PCDHA2: variants seen among roughly 807,000 people sequenced by gnomAD.
PCDHA2 encodes the protein protocadherin alpha 2.
In PCDHA2, 58 loss-of-function variants were observed where a neutral mutation model predicts 66.0. The ratio of observed to expected loss-of-function variants is 0.88; its 90% CI spans 0.71 to 1.09. PCDHA2 has a LOEUF of 1.09. Among genes scored for constraint, PCDHA2 ranks in the 50% least tolerant of loss-of-function variants. The pLI is 0.00. For synonymous variants in PCDHA2, 634 were observed against 554.0 expected (o/e 1.14, Z -2.03); for missense variants, 1,267 against 1,242.3 (o/e 1.02, Z -0.30).
At chr5:140,823,131 G>T (rs142929389) in intron 1 of PCDHA2, 3 of 1,614,008 alleles carry the variant, frequency 1.9e-6, no homozygotes, top group South Asian at 2.2e-5. Flanking sequence ...ACAACGCTCC[G>T]GCGTTCGCGC....
chr5:140,809,795 A>C (rs1554125360), intron 1 of PCDHA2: 2 of 457,272 alleles, frequency 4.4e-6, no homozygotes, highest in African/African-American at 4.0e-5. Flanking sequence ...CAGAACTGTA[A>C]TTTCTAGTAA....
At chr5:140,920,859 C>T in intron 1 of PCDHA2, among the ~76,000 whole-genome samples, 1 of 142,452 alleles carries the variant, frequency 7.0e-6, no homozygotes, top group African/African-American at 2.6e-5. Flanking sequence ...AAAAAAAAAA[C>T]AAACAAACTG....
intron 3 of PCDHA2, among the ~76,000 whole-genome samples, chr5:141,001,598 G>C (rs2098027263): frequency 6.6e-6 from 1 of 152,088 alleles, no homozygotes; most frequent in South Asian, 2.1e-4. Flanking sequence ...ACTCAGATTA[G>C]GTTTGCCCAA....
At chr5:140,900,557 G>A (rs1006880033) in intron 1 of PCDHA2, among the ~76,000 whole-genome samples, 1 of 152,160 alleles carries the variant, frequency 6.6e-6, no homozygotes, top group African/African-American at 2.4e-5. Context: ...GATTACAGGC[G>A]TGAGCCACGG....
Position 140,892,963 on chromosome 5 carries a change from A to C in PCDHA2, c.2389-85986A>C, listed in dbSNP as rs138089244. Among the ~76,000 whole-genome samples, 29 of 152,284 alleles carry C rather than the reference A, an allele frequency of 1.9e-4. No individual in the cohort carries two copies. In the East Asian group the frequency reaches 5.6e-3, roughly 29 times the overall value. ...ACAATACTACTTCCATGAGCTCAAT[A>C]AAATTTTGTAGCTGCCGTATAAGTG... On this transcript the variant is annotated intron_variant, in intron 1 of 3. Transcript: ENST00000526136.
chr5:140,861,480 T>G, intron 1 of PCDHA2: 1 of 490,608 alleles, frequency 2.0e-6, no homozygotes, highest in Non-Finnish European at 4.2e-6. Flanking sequence ...GAATGGCATT[T>G]TTGTGAGTTC....
At chr5:140,828,204 A>G in intron 1 of PCDHA2, 8 of 1,614,086 alleles carry the variant, frequency 5.0e-6, no homozygotes, top group Non-Finnish European at 6.8e-6. Flanking sequence ...GTACCCGAGG[A>G]GGCCAAACAC....
intron 3 of PCDHA2, among the ~76,000 whole-genome samples, chr5:140,987,258 G>A (rs1292743876): frequency 6.6e-6 from 1 of 151,918 alleles, no homozygotes; most frequent in Non-Finnish European, 1.5e-5. Context: ...ACATTCTCAG[G>A]AATGGGACCC....
intron 1 of PCDHA2, chr5:140,834,635 G>T: frequency 6.2e-7 from 1 of 1,614,092 alleles, no homozygotes; most frequent in African/African-American, 1.3e-5. Context: ...ATGGCATTTT[G>T]TTTGTGAATT....
intron 1 of PCDHA2, chr5:140,868,023 T>C (rs2050243779): frequency 6.6e-6 from 1 of 152,096 alleles, no homozygotes; most frequent in Non-Finnish European, 1.5e-5. Flanking sequence ...AGGAAACCAA[T>C]GTTGGTGACT....
chr5:140,858,273 C>G, intron 1 of PCDHA2: 1 of 1,596,972 alleles, frequency 6.3e-7, no homozygotes, highest in Non-Finnish European at 8.6e-7. Context: ...TGCTCTAGCG[C>G]GGTGGGGAGC....
intron 1 of PCDHA2, chr5:140,808,597 G>A (rs1355815972): frequency 1.4e-5 from 22 of 1,613,830 alleles, no homozygotes; most frequent in Non-Finnish European, 1.6e-5. Context: ...ACAACCCGCC[G>A]GGCTGCCACA....
chr5:140,841,535 C>A (rs146057065), intron 1 of PCDHA2: 5 of 1,613,548 alleles, frequency 3.1e-6, no homozygotes, highest in African/African-American at 1.3e-5. Flanking sequence ...CAAAAGACAC[C>A]GGGACCTTCT....
intron 1 of PCDHA2, chr5:140,875,414 C>A: frequency 3.3e-6 from 5 of 1,508,510 alleles, no homozygotes; most frequent in Non-Finnish European, 4.4e-6. Flanking sequence ...CATAAAATAC[C>A]TCAGGCAAGC....
chr5:140,801,524 C>G, intron 1 of PCDHA2: 1 of 1,614,192 alleles, frequency 6.2e-7, no homozygotes, highest in Non-Finnish European at 8.5e-7. Flanking sequence ...TGGAGGTGAT[C>G]GTGGACAGGC....
At chr5:140,845,550 G>C (rs185907796) in intron 1 of PCDHA2, among the ~76,000 whole-genome samples, 1 of 149,478 alleles carries the variant, frequency 6.7e-6, no homozygotes, top group East Asian at 1.9e-4. Flanking sequence ...TTATGGTGAT[G>C]CTTTTAGCTA....
At chr5:140,800,769 A>G (rs1554121215) in intron 1 of PCDHA2, among the ~76,000 whole-genome samples, 2 of 152,250 alleles carry the variant, frequency 1.3e-5, no homozygotes, top group African/African-American at 4.8e-5. Context: ...AAATATTTCC[A>G]ATAGATGTCC....
At chr5:140,884,833 C>G in intron 1 of PCDHA2, 1 of 916,634 alleles carries the variant, frequency 1.1e-6, no homozygotes, top group Non-Finnish European at 1.5e-6. Context: ...GTTGGATTAT[C>G]CTTCAGAGTG....
chr5:140,825,239 A>G (rs913025032), intron 1 of PCDHA2: 3 of 151,408 alleles, frequency 2.0e-5, no homozygotes, highest in Non-Finnish European at 4.4e-5. Context: ...ATCTGGATCT[A>G]TGGTGTTCCA....
Sources: gnomAD v4.1 joint callset for allele counts (sites outside exome capture counted in the v4.1 genomes callset) on GRCh38, gnomAD v4.1.1 for gene constraint, MANE v1.5 for transcripts, NCBI Gene and HGNC (gene_info 2026-07-23, HGNC 2026-07-21) for gene names.